PLEKHG7: variants seen among roughly 807,000 people sequenced by gnomAD.
The protein encoded by PLEKHG7 is pleckstrin homology and RhoGEF domain containing G7, also known as pleckstrin homology domain-containing family G member 7.
In PLEKHG7, 77 loss-of-function variants were observed where a neutral mutation model predicts 85.2. The ratio of observed to expected loss-of-function variants is 0.90; its 90% confidence interval spans 0.75 to 1.09. PLEKHG7 has a LOEUF of 1.09. PLEKHG7 is among the 50% of genes least tolerant of loss of function. PLEKHG7 has a pLI of 0.00. For missense variants in PLEKHG7, 777 were observed against 804.3 expected, an observed-to-expected ratio of 0.97 and a Z score of 0.41; for synonymous variants, 301 against 302.4, an observed-to-expected ratio of 1.00 and a Z score of 0.05.
At chr12:92,724,535 CAGAACCCA>C (rs1392851460) in intron 3 of PLEKHG7, among the ~76,000 whole-genome samples, 2 of 152,174 alleles carry the variant, frequency 1.3e-5, no homozygotes, top group African/African-American at 4.8e-5. Flanking sequence ...CTGGATGTCA[CAGAACCCA>C]ACTAGAATGA....
At position 92,750,236 on chromosome 12, in the gene PLEKHG7, T is replaced by C. The variant is rs543697472; in HGVS notation, c.1252-3854T>C. On this transcript the variant is annotated intron_variant, in intron 10 of 16. Transcript: ENST00000344636. ...AAAGTAGCCTCTATTGATCTAGACT[T>C]ATCAATAAAAAGGCCTTTTATGTCC... 5.3e-5 allele frequency among the ~76,000 whole-genome samples: 8 copies of C among 152,056 alleles called. No individual in the cohort carries two copies. In the East Asian group the frequency reaches 5.8e-4, roughly 11 times the overall value.
chr12:92,703,310 G>GAATTC (rs1408809327), intron 1 of PLEKHG7, among the ~76,000 whole-genome samples, 178 bp downstream of exon 1: 5 of 152,210 alleles, frequency 3.3e-5, no homozygotes, highest in African/African-American at 1.2e-4. Flanking sequence ...AACAGTGTGG[G>GAATTC]TGGGTGTTTG....
At chr12:92,730,609 G>T (rs1015564696) in intron 4 of PLEKHG7, among the ~76,000 whole-genome samples, 2 of 152,208 alleles carry the variant, frequency 1.3e-5, no homozygotes, top group South Asian at 4.1e-4. Flanking sequence ...TAGTAGAGAC[G>T]AAGTTTCAAC....
intron 3 of PLEKHG7, among the ~76,000 whole-genome samples, chr12:92,723,483 T>A (rs1044416164): frequency 6.6e-6 from 1 of 152,160 alleles, no homozygotes; most frequent in Non-Finnish European, 1.5e-5. Context: ...AGAGTGTCAG[T>A]CTAATGGAAA....
rs371376803 is a variant in PLEKHG7, at chr12:92,764,133, C to T, written c.1809C>T (p.Leu603=). Residue 603 remains leucine, a synonymous_variant, in exon 15 of 17, where the codon CTC becomes CTT. Coordinates refer to ENST00000344636, the MANE Select transcript of PLEKHG7 (RefSeq NM_001377329.1). Reference sequence around the variant, plus strand: ...AAGAGGGTGGTTCGTGTACAGTACTCGATCAGCCTATTCCACTAGATAGAT... The same window carrying T: ...AAGAGGGTGGTTCGTGTACAGTACTTGATCAGCCTATTCCACTAGATAGAT... ...VIKEGGSCTV[L]DQPIPLDRLV... The T allele has an allele frequency of 7.4e-6, 12 of 1,611,688 alleles. No homozygotes were observed. Among genetic ancestry groups the T allele is most frequent in the South Asian group, 6.6e-5 (6 of 90,766 alleles).
intron 3 of PLEKHG7, 124 bp downstream of exon 3, chr12:92,707,796 ACTCAAG>A (rs1871281780): frequency 1.3e-6 from 2 of 1,506,118 alleles, no homozygotes; most frequent in East Asian, 4.7e-5. Flanking sequence ...GTTTTATAGC[ACTCAAG>A]TCACTCTTCG....
intron 3 of PLEKHG7, among the ~76,000 whole-genome samples, chr12:92,724,836 G>A (rs1394877194): frequency 6.6e-6 from 1 of 152,154 alleles, no homozygotes; most frequent in East Asian, 1.9e-4. Context: ...AGTCAGAGCA[G>A]GTCAGCCTAT....
At chr12:92,732,201 C>T (rs906276656) in intron 4 of PLEKHG7, 32 bp from the exon 5 acceptor site, 35 of 1,211,242 alleles carry the variant, frequency 2.9e-5, no homozygotes, top group South Asian at 4.2e-5. Flanking sequence ...TCTAAGTACT[C>T]GTAATAATAT....
chr12:92,704,809 C>T (rs1871184572), intron 1 of PLEKHG7, among the ~76,000 whole-genome samples: 1 of 152,166 alleles, frequency 6.6e-6, no homozygotes, highest in East Asian at 1.9e-4. Context: ...AACTTCTAGG[C>T]TCAAGGGATC....
chr12:92,741,446 C>A, intron 8 of PLEKHG7, 45 bp from the exon 9 acceptor site: 1 of 1,301,990 alleles, frequency 7.7e-7, no homozygotes, highest in Non-Finnish European at 1.1e-6. Context: ...TATTCCTTAA[C>A]CCTGGGTGTG....
chr12:92,737,222 G>A (rs1203468877), intron 6 of PLEKHG7, among the ~76,000 whole-genome samples, 156 bp from the exon 7 acceptor site: 2 of 152,122 alleles, frequency 1.3e-5, no homozygotes, highest in Admixed American at 6.5e-5. Flanking sequence ...GGTCACTTGG[G>A]GAGTCACTGT....
intron 3 of PLEKHG7, among the ~76,000 whole-genome samples, chr12:92,715,389 G>A (rs1041444713): frequency 6.6e-6 from 1 of 152,020 alleles, no homozygotes; most frequent in Non-Finnish European, 1.5e-5. Context: ...GATACACCCA[G>A]GATCAATACT....
intron 10 of PLEKHG7, among the ~76,000 whole-genome samples, chr12:92,748,139 T>A (rs1872587406): frequency 6.6e-6 from 1 of 152,212 alleles, no homozygotes; most frequent in African/African-American, 2.4e-5. Flanking sequence ...TATCAAAATA[T>A]CATGTGTGCC....
chr12:92,757,978 G>T (rs1872881983), intron 13 of PLEKHG7, among the ~76,000 whole-genome samples: 1 of 152,324 alleles, frequency 6.6e-6, no homozygotes, highest in East Asian at 1.9e-4. Context: ...GAGAAGACTC[G>T]GGGCCTGTCT....
chr12:92,737,257 G>A (rs1872183589), intron 6 of PLEKHG7, 121 bp from the exon 7 acceptor site: 1 of 880,838 alleles, frequency 1.1e-6, no homozygotes, highest in Non-Finnish European at 1.5e-6. Context: ...AGGGTCTGAA[G>A]CAGGAAATCA....
chr12:92,722,956 G>A (rs917306172), intron 3 of PLEKHG7, among the ~76,000 whole-genome samples: 4 of 152,162 alleles, frequency 2.6e-5, no homozygotes, highest in Non-Finnish European at 5.9e-5. Flanking sequence ...GAGTAGGGAA[G>A]GGAAGGGAAG....
rs776103218 is a variant in PLEKHG7 at position 92,740,966 on chromosome 12, A to T, written c.1035+18A>T. 1 of 1,549,244 alleles carries T rather than the reference A, an allele frequency of 6.5e-7. No homozygotes were observed. The highest frequency in any genetic ancestry group is 8.9e-7 in the Non-Finnish European group (1 of 1,122,668). ...TAACTCAGGTGAGCCAAGTAGGAAG[A>T]TTCATGTTTTAACATTCACTAGAGG... On this transcript the variant is annotated intron_variant, in intron 8 of 16. Coordinates refer to ENST00000344636, the MANE Select transcript of PLEKHG7 (RefSeq NM_001377329.1).
intron 11 of PLEKHG7, 92 bp from the exon 12 acceptor site, chr12:92,755,733 T>C: frequency 2.4e-6 from 2 of 828,096 alleles, no homozygotes; most frequent in Non-Finnish European, 4.1e-6. Context: ...GGGCAGCCAG[T>C]GTTTCTAAAT....
chr12:92,721,338 G>A (rs963036072), intron 3 of PLEKHG7: 1 of 658,212 alleles, frequency 1.5e-6, no homozygotes, highest in Non-Finnish European at 2.1e-6. Flanking sequence ...CTCAGCAGTG[G>A]GGTTGGGGGG....
Sources: allele counts gnomAD v4.1 joint callset (sites outside exome capture counted in the v4.1 genomes callset), GRCh38; gene constraint gnomAD v4.1.1; transcripts MANE v1.5; gene names NCBI Gene and HGNC (gene_info 2026-07-23, HGNC 2026-07-21).